Variants in EXTL3 observed in about 807,000 individuals in gnomAD.
The protein encoded by EXTL3 is exostosin like glycosyltransferase 3.
EXTL3 carries 27 observed loss-of-function variants against 69.3 expected under a neutral mutation model. That is an observed-to-expected ratio of 0.39 (90% CI 0.29 to 0.54). EXTL3 has a LOEUF of 0.54. Ranked by LOEUF, EXTL3 falls within the 20% of genes least tolerant of loss-of-function variation. The pLI is 0.69. For missense variants in EXTL3, 1,003 were observed against 1,231.8 expected, an observed-to-expected ratio of 0.81 and a Z score of 2.78; for synonymous variants, 511 against 499.4, an observed-to-expected ratio of 1.02 and a Z score of -0.31.
intron 2 of EXTL3, among the ~76,000 whole-genome samples, chr8:28,615,984 C>T (rs748130405): frequency 1.1e-4 from 17 of 151,510 alleles, no homozygotes; most frequent in Admixed American, 8.6e-4. Context: ...CCTGTAATCT[C>T]GGCAGTTTGG....
chr8:28,651,900 C>T (rs995193204), intron 1 of EXTL3, among the ~76,000 whole-genome samples: 4 of 152,168 alleles, frequency 2.6e-5, no homozygotes, highest in Non-Finnish European at 4.4e-5. Flanking sequence ...TGCGTCTCTT[C>T]CTATATGTGG....
chr8:28,627,468 G>A (rs1806510125), intron 1 of EXTL3, among the ~76,000 whole-genome samples: 2 of 147,458 alleles, frequency 1.4e-5, no homozygotes, highest in South Asian at 2.1e-4. Flanking sequence ...CTGTATTCCA[G>A]CCTGGGTGAG....
intron 1 of EXTL3, among the ~76,000 whole-genome samples, chr8:28,646,677 A>G (rs376886439): frequency 6.6e-6 from 1 of 152,230 alleles, no homozygotes; most frequent in South Asian, 2.1e-4. Context: ...TTAGTTGTTC[A>G]TTAATTCAAC....
intron 3 of EXTL3, among the ~76,000 whole-genome samples, chr8:28,729,930 A>G (rs574704949): frequency 6.6e-6 from 1 of 151,450 alleles, no homozygotes; most frequent in Admixed American, 6.6e-5. Context: ...CAGTTTCTGC[A>G]TGTGTAAAGT....
rs1388285727 is a variant in EXTL3 at position 28,716,476 on chromosome 8, G to A, written c.417G>A (p.Glu139=). 5.0e-6 allele frequency: 8 copies of A among 1,613,890 alleles called. No individual in the cohort carries two copies. The highest frequency in any genetic ancestry group is 1.7e-5 in the Admixed American group (1 of 60,018). ...TCAAGAATGTCATCAGCCAGACCGA[G>A]CATTCCTACAAGGAGCTCATGGCCC... is the stretch of plus-strand genomic sequence containing the variant. ...LQLKNVISQT[E]HSYKELMAQN... Residue 139 remains glutamate, a synonymous_variant, in exon 3 of 7, where the codon GAG becomes GAA. Transcript: ENST00000220562. The surrounding 1 kb of genome is among the most constrained non-coding windows in gnomAD (Gnocchi z 7.1).
rs142267706 is a variant in EXTL3, at chr8:28,747,504, A to C, written c.2551-3153A>C. Among the ~76,000 whole-genome samples, 887 of 152,234 alleles carry C rather than the reference A, an allele frequency of 5.8e-3. 16 individuals are homozygous for C. The highest frequency in any genetic ancestry group is 0.02 in the African/African-American group (830 of 41,536). On this transcript the variant is annotated intron_variant, in intron 6 of 6. Coordinates refer to ENST00000220562, the MANE Select transcript of EXTL3 (RefSeq NM_001440.4). ...TACTCTTCCACTATTAAGTTATGGG[A>C]TGTGTCTTTCAATTAAAAAATTTCC...
intron 1 of EXTL3, among the ~76,000 whole-genome samples, chr8:28,682,265 G>T (rs1807502261): frequency 1.3e-5 from 2 of 152,052 alleles, no homozygotes; most frequent in Admixed American, 1.3e-4. Flanking sequence ...AGAAATATCT[G>T]TTCAGGTCCT....
chr8:28,663,114 G>C (rs1272751219), intron 1 of EXTL3, among the ~76,000 whole-genome samples: 1 of 152,082 alleles, frequency 6.6e-6, no homozygotes, highest in Non-Finnish European at 1.5e-5. Flanking sequence ...ATCTCCTTAG[G>C]CTTGAGGGAA....
chr8:28,616,441 G>T (rs1043731747), intron 2 of EXTL3, among the ~76,000 whole-genome samples: 1 of 152,026 alleles, frequency 6.6e-6, no homozygotes, highest in African/African-American at 2.4e-5. Context: ...CTGGCTAACA[G>T]GGTGAAACCC....
intron 6 of EXTL3, among the ~76,000 whole-genome samples, chr8:28,749,392 A>T (rs1801956439): frequency 6.6e-6 from 1 of 152,230 alleles, no homozygotes; most frequent in Admixed American, 6.5e-5. Context: ...GTGAAATGGG[A>T]TAAAAAGATC....
intron 3 of EXTL3, among the ~76,000 whole-genome samples, chr8:28,727,289 A>G (rs187591703): frequency 1.0e-3 from 155 of 152,282 alleles, no homozygotes; most frequent in African/African-American, 3.6e-3. Context: ...GTGAGCAGAG[A>G]TGGCAGGCGC....
At chr8:28,733,841 A>G (rs1801592411) in intron 4 of EXTL3, among the ~76,000 whole-genome samples, 3 of 144,862 alleles carry the variant, frequency 2.1e-5, no homozygotes, top group South Asian at 2.2e-4. Flanking sequence ...TTTCTGACAC[A>G]GAGTCTCGCT....
At position 28,717,276 on chromosome 8, in the gene EXTL3, C is replaced by T. The variant is rs1184009176; in HGVS notation, c.1217C>T (p.Pro406Leu). ...TTCACCTGCAAAAACCAGCCCAAAC[C>T]CAGCCTGCCGACTGAGTGGGCACTG... ...VEFTCKNQPK[P>L]SLPTEWALCG... The change falls in exon 3 of 7, where the codon CCC (proline) becomes CTC (leucine). Residue 406 changes from proline to leucine, a missense_variant. Pro to Leu is a moderately conservative substitution (Grantham distance 98). Coordinates refer to ENST00000220562, the MANE Select transcript of EXTL3 (RefSeq NM_001440.4). This position sits in a 1 kb window ranked among gnomAD's most constrained non-coding sequence, Gnocchi z 8.3. 1 of 1,614,096 alleles carries T rather than the reference C, an allele frequency of 6.2e-7. No homozygotes were observed. The highest frequency in any genetic ancestry group is 1.3e-5 in the African/African-American group (1 of 74,946).
intron 2 of EXTL3, among the ~76,000 whole-genome samples, chr8:28,611,360 G>A (rs993684610): frequency 6.6e-6 from 1 of 152,054 alleles, no homozygotes; most frequent in Admixed American, 6.6e-5. Context: ...GGCTGAGGTG[G>A]GAGGATCACT....
intron 1 of EXTL3, among the ~76,000 whole-genome samples, chr8:28,712,102 G>A (rs1479501270): frequency 6.6e-6 from 1 of 152,136 alleles, no homozygotes; most frequent in East Asian, 1.9e-4. Context: ...GCATCGGGGG[G>A]TAAGAAAGGC....
intron 5 of EXTL3, chr8:28,740,836 C>T (rs936312084): frequency 6.6e-6 from 1 of 152,146 alleles, no homozygotes; most frequent in African/African-American, 2.4e-5. Flanking sequence ...ATAATGTGAT[C>T]ACTCAATTCT....
intron 1 of EXTL3, among the ~76,000 whole-genome samples, chr8:28,665,936 C>T (rs1485853429): frequency 6.6e-6 from 1 of 152,230 alleles, no homozygotes; most frequent in East Asian, 1.9e-4. Context: ...TGCCTTCTGT[C>T]TGGCGTCATC....
chr8:28,645,031 T>C (rs1305228954), intron 1 of EXTL3, among the ~76,000 whole-genome samples: 1 of 152,212 alleles, frequency 6.6e-6, no homozygotes, highest in Non-Finnish European at 1.5e-5. Flanking sequence ...TTTTCATCTT[T>C]TCTCCTCCTT....
intron 2 of EXTL3, among the ~76,000 whole-genome samples, chr8:28,611,869 G>A (rs1262522917): frequency 1.3e-5 from 2 of 152,148 alleles, no homozygotes; most frequent in Non-Finnish European, 2.9e-5. Context: ...TGTTCGCTGC[G>A]ATGCCAGCCG....
Sources: allele counts gnomAD v4.1 joint callset (sites outside exome capture counted in the v4.1 genomes callset), GRCh38; gene constraint gnomAD v4.1.1; non-coding constraint Gnocchi (gnomAD v3.1); transcripts MANE v1.5; gene names NCBI Gene and HGNC (gene_info 2026-07-23, HGNC 2026-07-21).